Variants in ALPK2 observed in about 807,000 individuals in gnomAD.
ALPK2 encodes the protein alpha-protein kinase 2.
Under a neutral mutation model 163.1 loss-of-function variants are expected in ALPK2, and 127 were observed. That is an observed-to-expected ratio of 0.78 (90% CI 0.67 to 0.90). The LOEUF is 0.90. Ranked by LOEUF, ALPK2 falls within the 40% of genes least tolerant of loss-of-function variation. The pLI is 0.00. For synonymous variants in ALPK2, 953 were observed against 959.1 expected (o/e 0.99, Z 0.12); for missense variants, 2,360 against 2,589.6 (o/e 0.91, Z 1.92).
chr18:58,504,217 A>G lies in ALPK2; in HGVS notation c.6030-69T>C. The G allele has an allele frequency of 3.0e-6, 4 of 1,334,028 alleles. No homozygotes were observed. In the South Asian group the frequency reaches 3.7e-5, roughly 12 times the overall value. The allele number at this position is 1,334,028 out of a possible 1,614,324, so 82.6% of individuals were successfully genotyped here. On this transcript the variant is annotated intron_variant, in intron 10 of 12. Transcript: ENST00000361673. ...GGAAGAGAGGCTCCTGCGGCATTCT[A>G]CTCTCTCCTGGAGCAGCACGGAGCA...
At chr18:58,573,400 G>A (rs145920426) in intron 4 of ALPK2, among the ~76,000 whole-genome samples, 19,020 of 136,658 alleles carry the variant, frequency 0.14, 1,702 homozygotes, top group African/African-American at 0.2. Flanking sequence ...ATATATGTGT[G>A]TATATATATA....
chr18:58,592,130 C>T (rs1297582558), intron 3 of ALPK2, among the ~76,000 whole-genome samples: 4 of 152,194 alleles, frequency 2.6e-5, no homozygotes, highest in Non-Finnish European at 4.4e-5. Context: ...TGACCTGTGG[C>T]CCCCAATGAG....
chr18:58,532,332 G>C (rs148858083), intron 5 of ALPK2, among the ~76,000 whole-genome samples: 1 of 152,170 alleles, frequency 6.6e-6, no homozygotes, highest in African/African-American at 2.4e-5. Context: ...ATCCCCACAC[G>C]AGAGGGGAGA....
intron 12 of ALPK2, among the ~76,000 whole-genome samples, chr18:58,488,463 T>C (rs570947694): frequency 3.1e-4 from 42 of 134,920 alleles, no homozygotes; most frequent in Middle Eastern, 7.1e-3. Flanking sequence ...CTCACAACCG[T>C]GCTGGACAAT....
rs35734462 is a variant in ALPK2 at position 58,627,466 on chromosome 18, C to CA, written c.-21+1297dup. Among the ~76,000 whole-genome samples, 12 of 151,598 alleles carry CA rather than the reference C, an allele frequency of 7.9e-5. No individual in the cohort carries two copies. In the South Asian group the frequency reaches 2.3e-3, roughly 29 times the overall value. On this transcript the variant is annotated intron_variant, in intron 1 of 12. Coordinates refer to ENST00000361673, the MANE Select transcript of ALPK2 (RefSeq NM_052947.4). ...TGAAACCCCATCTCAACTAAAAATA[C>CA]AAAAAAAATTAGCTGGGCATGGTGG... is the stretch of plus-strand genomic sequence containing the variant.
chr18:58,500,466 T>TC (rs1166888238), intron 11 of ALPK2, among the ~76,000 whole-genome samples: 2 of 152,174 alleles, frequency 1.3e-5, no homozygotes, highest in Admixed American at 1.3e-4. Context: ...AAAGAAAACT[T>TC]CCCCCTGTCA....
chr18:58,582,061 C>T (rs1213851977), intron 3 of ALPK2, among the ~76,000 whole-genome samples: 2 of 152,148 alleles, frequency 1.3e-5, no homozygotes, highest in Non-Finnish European at 1.5e-5. Context: ...GTTGAGTTGG[C>T]AATCTGGCTC....
chr18:58,590,516 G>A (rs193142562), intron 3 of ALPK2, among the ~76,000 whole-genome samples: 188 of 152,188 alleles, frequency 1.2e-3, no homozygotes, highest in African/African-American at 4.2e-3. Flanking sequence ...GATGACATCC[G>A]TGTCCTTTCC....
intron 3 of ALPK2, among the ~76,000 whole-genome samples, chr18:58,598,576 T>TA (rs780821139): frequency 9.2e-5 from 14 of 152,124 alleles, no homozygotes; most frequent in Non-Finnish European, 2.1e-4. Context: ...GACAGAGACT[T>TA]ACGCTGCCAA....
At chr18:58,490,686 G>T (rs184931852) in intron 12 of ALPK2, among the ~76,000 whole-genome samples, 1 of 152,210 alleles carries the variant, frequency 6.6e-6, no homozygotes, top group Non-Finnish European at 1.5e-5. Flanking sequence ...TGAGAGGAGG[G>T]CAGAGGTGCC....
In ALPK2 at chr18:58,524,025, G is replaced by A. The variant is rs80273727; in HGVS notation, c.5539C>T (p.Gln1847Ter). 1 of 1,613,780 alleles carries A rather than the reference G, an allele frequency of 6.2e-7. No individual in the cohort carries two copies. Among genetic ancestry groups the A allele is most frequent in the Non-Finnish European group, 8.5e-7 (1 of 1,179,862 alleles). The change falls in exon 7 of 13, where the codon CAA becomes TAA. Residue 1847 changes from glutamine to a stop codon, truncating the protein, a stop_gained. Coordinates refer to ENST00000361673, the MANE Select transcript of ALPK2 (RefSeq NM_052947.4). LOFTEE classifies it high-confidence loss of function. Reference sequence around the variant, plus strand: ...AGTCCCTGGTCCTTCGGACTGGCTTGCACGATGGCAAAGGAAACAGTGGAG... The same window carrying A: ...AGTCCCTGGTCCTTCGGACTGGCTTACACGATGGCAAAGGAAACAGTGGAG... ...DNSTVSFAIV[Q>*]ASPKDQGLYY...
chr18:58,564,019 C>T (rs1342382194), intron 4 of ALPK2, among the ~76,000 whole-genome samples: 1 of 150,400 alleles, frequency 6.6e-6, no homozygotes, highest in East Asian at 2.0e-4. Context: ...ACATTAAGAA[C>T]AATCTCTGAA....
intron 1 of ALPK2, among the ~76,000 whole-genome samples, chr18:58,617,899 T>C (rs755821866): frequency 6.6e-6 from 1 of 152,212 alleles, no homozygotes; most frequent in Admixed American, 6.5e-5. Context: ...ACCCATCTGC[T>C]CTTGTATTGA....
intron 4 of ALPK2, 74 bp downstream of exon 4, chr18:58,578,740 A>ACGCGCGCGCACGCGCGCG: frequency 8.9e-7 from 1 of 1,118,832 alleles, no homozygotes; most frequent in Non-Finnish European, 1.3e-6. Context: ...AGAGACACAC[A>ACGCGCGCGCACGCGCGCG]CACACACACA....
chr18:58,547,329 C>T (rs8085809), intron 4 of ALPK2, among the ~76,000 whole-genome samples: 2,624 of 152,204 alleles, frequency 0.017, 83 homozygotes, highest in African/African-American at 0.06. Flanking sequence ...ATAGGTAGAC[C>T]GATTGAAGAT....
In ALPK2 at chr18:58,536,480, A is replaced by C; in HGVS notation, c.3707T>G (p.Leu1236Arg). Residue 1236 changes from leucine (L) to arginine (R), a missense_variant, in exon 5 of 13, where the codon CTG (leucine) becomes CGG (arginine). Leu to Arg is a moderately radical substitution (Grantham distance 102, BLOSUM62 -2). Transcript: ENST00000361673. ...GGAAGCCTCTAGAGTTATAATCTTC[A>C]GCTTGTTGCCTGCCTCCCAATTTCC... ...RPGNWEAGNKLKIITLEASAS... is the reference protein window; with the variant it reads ...RPGNWEAGNKRKIITLEASAS... 1 of 1,614,012 alleles carries C rather than the reference A, an allele frequency of 6.2e-7. No individual in the cohort carries two copies. Among genetic ancestry groups the C allele is most frequent in the Non-Finnish European group, 8.5e-7 (1 of 1,180,030 alleles).
intron 1 of ALPK2, among the ~76,000 whole-genome samples, chr18:58,612,465 A>G (rs2052138173): frequency 1.3e-5 from 2 of 152,204 alleles, no homozygotes; most frequent in African/African-American, 4.8e-5. Flanking sequence ...CAGATATATT[A>G]TTTCACTTAA....
At chr18:58,603,625 G>A (rs1602236716) in intron 3 of ALPK2, among the ~76,000 whole-genome samples, 1 of 152,168 alleles carries the variant, frequency 6.6e-6, no homozygotes, top group African/African-American at 2.4e-5. Flanking sequence ...TGCTGAGGAG[G>A]GGGTATATCT....
chr18:58,590,044 C>G (rs1217359200), intron 3 of ALPK2, among the ~76,000 whole-genome samples: 1 of 151,476 alleles, frequency 6.6e-6, no homozygotes, highest in Non-Finnish European at 1.5e-5. Context: ...ATGTTGAAAC[C>G]TCGTCTTTAC....
Sources: allele counts gnomAD v4.1 joint callset (sites outside exome capture counted in the v4.1 genomes callset), GRCh38; gene constraint gnomAD v4.1.1; transcripts MANE v1.5; gene names NCBI Gene and HGNC (gene_info 2026-07-23, HGNC 2026-07-21).